Variants in PTPRB observed in about 807,000 individuals in gnomAD.
The protein encoded by PTPRB is protein tyrosine phosphatase receptor type B.
PTPRB carries 97 observed loss-of-function variants against 238.1 expected under a neutral mutation model. That is an observed-to-expected ratio of 0.41 (90% CI 0.35 to 0.48). The LOEUF is 0.48. Ranked by LOEUF, PTPRB falls within the 20% of genes least tolerant of loss-of-function variation. PTPRB has a pLI of 0.30. For synonymous variants in PTPRB, 970 were observed against 995.4 expected (o/e 0.97, Z 0.48); for missense variants, 2,292 against 2,681.9 (o/e 0.85, Z 3.21).
chr12:70,622,298 C>T, intron 3 of PTPRB, 92 bp downstream of exon 3: 1 of 1,528,390 alleles, frequency 6.5e-7, no homozygotes, highest in African/African-American at 1.4e-5. Flanking sequence ...CCCCCTACTG[C>T]AGCAGTGGCA....
chr12:70,561,076 A>G, intron 16 of PTPRB, 142 bp from the exon 17 acceptor site: 1 of 859,030 alleles, frequency 1.2e-6, no homozygotes, highest in East Asian at 2.5e-5. Flanking sequence ...CAGGCCATTT[A>G]ACTTTAAGGG....
At chr12:70,559,295 A>T (rs1327439933) in intron 18 of PTPRB, 48 bp downstream of exon 18, 1 of 1,534,766 alleles carries the variant, frequency 6.5e-7, no homozygotes, top group Middle Eastern at 1.7e-4. Context: ...TTGAACATAT[A>T]CTTCCTCTAC....
At chr12:70,585,144 A>T (rs1881769192) in intron 9 of PTPRB, 1 of 151,978 alleles carries the variant, frequency 6.6e-6, no homozygotes, top group Admixed American at 6.6e-5. Flanking sequence ...TGTTTTTAGT[A>T]GAGACAGTGT....
Position 70,539,821 on chromosome 12 carries a change from T to C in PTPRB, c.5696+6A>G, listed in dbSNP as rs749893294. ...AATATAGTAATTAATGTGTTCTCTC[T>C]CTTACCAAGAAGTTTTCCGGTTACT... On this transcript the variant is annotated splice_donor_region_variant and intron_variant, in intron 25 of 33. Coordinates refer to ENST00000334414, the MANE Select transcript of PTPRB (RefSeq NM_001109754.4). 1 of 1,597,160 alleles carries C rather than the reference T, an allele frequency of 6.3e-7. No individual in the cohort carries two copies. The highest frequency in any genetic ancestry group is 8.6e-7 in the Non-Finnish European group (1 of 1,164,600).
intron 32 of PTPRB, chr12:70,527,622 A>G (rs1872613446): frequency 6.6e-6 from 1 of 152,236 alleles, no homozygotes; most frequent in Non-Finnish European, 1.5e-5. Flanking sequence ...TCAAAGCAGC[A>G]TAAAAGAAGA....
rs757552575 is a variant in PTPRB, at chr12:70,518,653, G to C, written c.*2836C>G. On this transcript the variant is annotated 3_prime_UTR_variant, in exon 34 of 34. Transcript: ENST00000334414. ...CTTAGGACAAATATGTGCAAGCCCA[G>C]GTAAGAGAGGTGAGTCTTTGAAAAT... 1.3e-5 allele frequency: 2 copies of C among 152,106 alleles called. No homozygotes were observed. The highest frequency in any genetic ancestry group is 2.9e-5 in the Non-Finnish European group (2 of 68,020). 9.4% of individuals were successfully genotyped at this position (152,106 alleles called of 1,614,324 possible).
At chr12:70,537,127 A>T (rs1874253813) in intron 28 of PTPRB, among the ~76,000 whole-genome samples, 1 of 152,088 alleles carries the variant, frequency 6.6e-6, no homozygotes, top group Non-Finnish European at 1.5e-5. Flanking sequence ...TACTAAAAAT[A>T]CAAAAAAATA....
chr12:70,540,312 G>A (rs1219197641), intron 23 of PTPRB: 2 of 292,624 alleles, frequency 6.8e-6, no homozygotes, highest in Admixed American at 9.4e-5. Context: ...AAAAAATCCA[G>A]TAAATTTCAG....
chr12:70,559,568 T>C lies in PTPRB; in HGVS notation c.4489A>G (p.Ile1497Val). The C allele has an allele frequency of 6.2e-7, 1 of 1,612,998 alleles. No individual in the cohort carries two copies. The highest frequency in any genetic ancestry group is 8.5e-7 in the Non-Finnish European group (1 of 1,178,996). Residue 1497 changes from isoleucine (I) to valine (V), a missense_variant, in exon 18 of 34, where the codon ATC (isoleucine) becomes GTC (valine). This residue lies in a region of PTPRB where 683 missense variants were observed against 862.0 expected (regional missense o/e 0.79). Coordinates refer to ENST00000334414, the MANE Select transcript of PTPRB (RefSeq NM_001109754.4). ...FADIANTSLA[I>V]TWKGPPDWTD... ...CAGTCTGGGGGCCCTTTCCACGTGA[T>C]GGCCAAGGATGTGTTTGCAATGTCA...
intron 29 of PTPRB, among the ~76,000 whole-genome samples, chr12:70,535,789 C>T (rs1307338773): frequency 6.6e-6 from 1 of 152,148 alleles, no homozygotes; most frequent in African/African-American, 2.4e-5. Context: ...TGGGCACTGC[C>T]ACTAATCCCA....
rs569193135 is a variant in PTPRB, at chr12:70,537,021, A to AC, written c.5947-863dup. On this transcript the variant is annotated intron_variant, in intron 28 of 33. Transcript: ENST00000334414. ...CAGACTCGGCCGGGCGCAGTGGCTC[A>AC]CCCCTGTAATCCCAGCACTTTGGGA... 2.7e-3 allele frequency among the ~76,000 whole-genome samples: 410 copies of AC among 152,240 alleles called. 2 individuals are homozygous for AC. The highest frequency in any genetic ancestry group is 9.2e-3 in the African/African-American group (382 of 41,532).
At position 70,571,050 on chromosome 12, in the gene PTPRB, A is replaced by G. The variant is rs1391321933; in HGVS notation, c.3346T>C (p.Ser1116Pro). The G allele has an allele frequency of 2.5e-6, 4 of 1,613,894 alleles. No homozygotes were observed. Among genetic ancestry groups the G allele is most frequent in the Admixed American group, 1.7e-5 (1 of 59,994 alleles). ...VLTISGDVQQ[S>P]AFIEGFTVPS... ...CCTGTGAAGCCCTCAATGAAGGCTG[A>G]CTGCTGTACATCCCCGCTAATCGTC... Residue 1116 changes from serine (S) to proline (P), a missense_variant, in exon 13 of 34, where the codon TCA (serine) becomes CCA (proline). By Grantham distance (74) the Ser-to-Pro change is moderately conservative. This residue lies in a region of PTPRB where 683 missense variants were observed against 862.0 expected (regional missense o/e 0.79). Transcript: ENST00000334414.
intron 3 of PTPRB, among the ~76,000 whole-genome samples, chr12:70,616,984 T>C (rs945624644): frequency 3.3e-5 from 5 of 152,232 alleles, no homozygotes; most frequent in Non-Finnish European, 7.3e-5. Context: ...GTCCTCTGTA[T>C]ACCTGAGTTA....
chr12:70,621,628 A>G (rs947579989), intron 3 of PTPRB, among the ~76,000 whole-genome samples: 2 of 152,246 alleles, frequency 1.3e-5, no homozygotes, highest in Admixed American at 1.3e-4. Context: ...ATTCTGCACA[A>G]TGCAAAAGAT....
At chr12:70,546,236 C>T (rs571444016) in intron 21 of PTPRB, among the ~76,000 whole-genome samples, 105 of 152,160 alleles carry the variant, frequency 6.9e-4, no homozygotes, top group Middle Eastern at 3.4e-3. Context: ...TACAACTATC[C>T]AGCTGACACT....
Position 70,609,215 on chromosome 12 carries a change from C to T in PTPRB, c.833G>A (p.Ser278Asn), listed in dbSNP as rs1884222322. ...SPCNFSLIYS[S>N]DTLGAALCPT... ...GCACAACGCGGCCCCCAGGGTGTCA[C>T]TGCTATAGATGAGGCTAAAGTTACA... The change falls in exon 4 of 34, where the codon AGT becomes AAT. Residue 278 changes from serine to asparagine, a missense_variant. This residue lies in a region of PTPRB where 1,205 missense variants were observed against 1,287.8 expected (regional missense o/e 0.94). Transcript: ENST00000334414. 1 of 1,613,936 alleles carries T rather than the reference C, an allele frequency of 6.2e-7. No individual in the cohort carries two copies. The highest frequency in any genetic ancestry group is 1.1e-5 in the South Asian group (1 of 91,090).
intron 8 of PTPRB, 49 bp from the exon 9 acceptor site, chr12:70,587,316 C>A: frequency 6.3e-7 from 1 of 1,585,762 alleles, no homozygotes; most frequent in South Asian, 1.1e-5. Context: ...GAGGCATATT[C>A]ATAGGGTATA....
intron 11 of PTPRB, among the ~76,000 whole-genome samples, chr12:70,576,110 A>G (rs1181251157): frequency 6.6e-6 from 1 of 152,220 alleles, no homozygotes; most frequent in African/African-American, 2.4e-5. Context: ...AGGGTTAGTT[A>G]TAGTTAAGAT....
At chr12:70,624,586 G>T (rs1430761385) in intron 2 of PTPRB, among the ~76,000 whole-genome samples, 1 of 152,118 alleles carries the variant, frequency 6.6e-6, no homozygotes, top group Non-Finnish European at 1.5e-5. Flanking sequence ...GTGCTTGAAC[G>T]TTCCCTTAAG....
Sources: allele counts gnomAD v4.1 joint callset (sites outside exome capture counted in the v4.1 genomes callset), GRCh38; gene constraint gnomAD v4.1.1; regional missense constraint gnomAD v4.1.1; transcripts MANE v1.5; gene names NCBI Gene and HGNC (gene_info 2026-07-23, HGNC 2026-07-21).